The following SLC4A10 variants were observed in gnomAD, a reference collection of about 807,000 sequenced individuals.
The protein encoded by SLC4A10 is solute carrier family 4 member 10, also known as sodium-driven chloride bicarbonate exchanger.
A neutral mutation model predicts 137.7 loss-of-function variants in SLC4A10; 42 were observed. That is an observed-to-expected ratio of 0.30 (90% CI 0.24 to 0.39). The LOEUF is 0.39. SLC4A10 is among the 10% of genes least tolerant of loss of function. The pLI is 1.00. For synonymous variants in SLC4A10, 474 were observed against 464.1 expected (o/e 1.02, Z -0.27); for missense variants, 925 against 1,355.0 (o/e 0.68, Z 4.98).
At chr2:161,970,167 A>G (rs1179795415) in intron 23 of SLC4A10, among the ~76,000 whole-genome samples, 1 of 152,180 alleles carries the variant, frequency 6.6e-6, no homozygotes, top group East Asian at 1.9e-4. Context: ...AAATACAAGG[A>G]TACTCTATCA....
At chr2:161,970,169 A>T (rs1206193724) in intron 23 of SLC4A10, among the ~76,000 whole-genome samples, 1 of 152,152 alleles carries the variant, frequency 6.6e-6, no homozygotes, top group Non-Finnish European at 1.5e-5. Flanking sequence ...ATACAAGGAT[A>T]CTCTATCAGA....
Position 161,879,183 on chromosome 2 carries a change from T to G in SLC4A10, c.1001T>G (p.Ile334Ser). 6.2e-7 allele frequency: 1 copy of G among 1,613,534 alleles called. No homozygotes were observed. The highest frequency in any genetic ancestry group is 1.3e-5 in the African/African-American group (1 of 75,024). The change falls in exon 9 of 27, where the codon ATC (isoleucine) becomes AGC (serine). Residue 334 changes from isoleucine (I) to serine (S), a missense_variant. By Grantham distance (142) the Ile-to-Ser change is moderately radical. This residue lies in a region of SLC4A10 where 277 missense variants were observed against 306.1 expected (regional missense o/e 0.90). Transcript: ENST00000446997. The stretch of plus-strand genomic sequence containing the variant: ...CCTCCAGGTGCTGAAGCATCGAACA[T>G]CTTAGTGGGAGAACTGGAGTTCTTG... Reference protein sequence around the residue: ...KIPPGAEASNILVGELEFLDR... With the variant: ...KIPPGAEASNSLVGELEFLDR...
chr2:161,917,927 C>T (rs556011873), intron 15 of SLC4A10, among the ~76,000 whole-genome samples: 5 of 152,206 alleles, frequency 3.3e-5, no homozygotes, highest in Admixed American at 2.0e-4. Flanking sequence ...AGCTAAAAAT[C>T]GAACTGAGAC....
intron 13 of SLC4A10, 71 bp downstream of exon 13, chr2:161,904,249 C>A: frequency 6.2e-6 from 9 of 1,452,324 alleles, no homozygotes; most frequent in Non-Finnish European, 8.3e-6. Context: ...GATAAGTGAG[C>A]ATTTAATTTT....
intron 3 of SLC4A10, among the ~76,000 whole-genome samples, chr2:161,833,893 T>C (rs955156243): frequency 6.6e-6 from 1 of 152,244 alleles, no homozygotes; most frequent in Non-Finnish European, 1.5e-5. Flanking sequence ...CACCTCCTTC[T>C]GGTGCACACA....
chr2:161,948,494 C>T (rs1694237261), intron 17 of SLC4A10, among the ~76,000 whole-genome samples: 1 of 152,058 alleles, frequency 6.6e-6, no homozygotes, highest in South Asian at 2.1e-4. Context: ...TAATCTTAAG[C>T]ATTTTGTGTA....
intron 1 of SLC4A10, among the ~76,000 whole-genome samples, chr2:161,649,910 G>A (rs536101267): frequency 1.3e-5 from 2 of 152,120 alleles, no homozygotes; most frequent in Admixed American, 1.3e-4. Flanking sequence ...TTTATAGAAA[G>A]GATGCAAAGA....
chr2:161,641,390 G>GC (rs919076032), intron 1 of SLC4A10, among the ~76,000 whole-genome samples: 1 of 150,306 alleles, frequency 6.7e-6, no homozygotes. Context: ...AAATTGCTAA[G>GC]CCCCCCTATA....
At chr2:161,845,242 T>A (rs1215094466) in intron 4 of SLC4A10, among the ~76,000 whole-genome samples, 3 of 152,156 alleles carry the variant, frequency 2.0e-5, no homozygotes, top group African/African-American at 4.8e-5. Context: ...TGTATTTATG[T>A]GTATGTATTA....
At chr2:161,970,482 C>T (rs1191763747) in intron 23 of SLC4A10, among the ~76,000 whole-genome samples, 2 of 152,168 alleles carry the variant, frequency 1.3e-5, no homozygotes, top group African/African-American at 4.8e-5. Context: ...TTTCTGTAGA[C>T]TTTGTTTTAC....
At chr2:161,673,904 C>T (rs1371068114) in intron 1 of SLC4A10, among the ~76,000 whole-genome samples, 1 of 152,098 alleles carries the variant, frequency 6.6e-6, no homozygotes. Context: ...GCAGGAGAAT[C>T]GCTTGAACCC....
At chr2:161,706,092 T>C (rs1004380174) in intron 1 of SLC4A10, among the ~76,000 whole-genome samples, 6 of 151,576 alleles carry the variant, frequency 4.0e-5, no homozygotes, top group African/African-American at 7.3e-5. Context: ...AGATGTTAAG[T>C]AATTTTTTGG....
chr2:161,711,768 C>T (rs1397932851), intron 1 of SLC4A10, among the ~76,000 whole-genome samples: 2 of 151,794 alleles, frequency 1.3e-5, no homozygotes, highest in African/African-American at 4.8e-5. Context: ...GCCATGTTCT[C>T]TGGGTTCAAA....
chr2:161,933,361 T>G (rs1279287079), intron 15 of SLC4A10, among the ~76,000 whole-genome samples: 1 of 151,142 alleles, frequency 6.6e-6, no homozygotes, highest in African/African-American at 2.4e-5. Flanking sequence ...TTTCTCTTTC[T>G]CTCTCTTTCT....
rs543136172 is a variant in SLC4A10 at position 161,825,157 on chromosome 2, A to T, written c.278-14632A>T. On this transcript the variant is annotated intron_variant, in intron 3 of 26. Coordinates refer to ENST00000446997, the MANE Select transcript of SLC4A10 (RefSeq NM_001178015.2). ...GGCACCTGGTCAACAGTAGGCTATT[A>T]GTAGTTAAGTTTTGAGGGAGTCAAA... Among the ~76,000 whole-genome samples the T allele has an allele frequency of 3.3e-5, 5 of 152,336 alleles. No individual in the cohort carries two copies. The East Asian group carries it at 5.8e-4, about 18-fold the overall frequency.
intron 8 of SLC4A10, among the ~76,000 whole-genome samples, chr2:161,876,071 C>A (rs1217481900): frequency 6.6e-6 from 1 of 152,186 alleles, no homozygotes; most frequent in African/African-American, 2.4e-5. Flanking sequence ...AACTGTTTCT[C>A]ATCCACAGAT....
chr2:161,900,576 G>A (rs974231997), intron 11 of SLC4A10, among the ~76,000 whole-genome samples: 2 of 151,632 alleles, frequency 1.3e-5, no homozygotes, highest in Non-Finnish European at 2.9e-5. Context: ...GCTTTTTCTT[G>A]CCCACCTTTG....
intron 5 of SLC4A10, among the ~76,000 whole-genome samples, chr2:161,859,851 C>T (rs909779246): frequency 3.9e-5 from 6 of 152,136 alleles, no homozygotes; most frequent in Admixed American, 2.0e-4. Context: ...CCGCCCGCCT[C>T]GGCCTCCCAA....
At position 161,863,065 on chromosome 2, in the gene SLC4A10, A is replaced by G; in HGVS notation, c.766+3A>G. ...ACCAAATTCCATGGACAAAAATGGT[A>G]AATGTTTATTTATTGTGCTCTTTAT... On this transcript the variant is annotated splice_donor_region_variant and intron_variant, in intron 6 of 26. Transcript: ENST00000446997. 1 of 1,613,478 alleles carries G rather than the reference A, an allele frequency of 6.2e-7. No individual in the cohort carries two copies. The highest frequency in any genetic ancestry group is 8.5e-7 in the Non-Finnish European group (1 of 1,179,552).
Sources: allele counts gnomAD v4.1 joint callset (sites outside exome capture counted in the v4.1 genomes callset), GRCh38; gene constraint gnomAD v4.1.1; regional missense constraint gnomAD v4.1.1; transcripts MANE v1.5; gene names NCBI Gene and HGNC (gene_info 2026-07-23, HGNC 2026-07-21).